Variants in NDC1 observed in about 807,000 individuals in gnomAD.
NDC1 encodes the protein nucleoporin NDC1.
In NDC1, 24 loss-of-function variants were observed where a neutral mutation model predicts 89.8. That is an observed-to-expected ratio of 0.27 (90% CI 0.19 to 0.38). The LOEUF (loss-of-function observed/expected upper bound fraction) is 0.38, where lower values mean the gene tolerates loss of function less well. Among genes scored for constraint, NDC1 ranks in the 10% least tolerant of loss-of-function variants. NDC1 has a pLI of 1.00. For missense variants in NDC1, 728 were observed against 797.6 expected (o/e 0.91, Z 1.05); for synonymous variants, 296 against 284.8 (o/e 1.04, Z -0.39).
intron 6 of NDC1, among the ~76,000 whole-genome samples, chr1:53,810,079 T>C (rs1292479210): frequency 6.6e-6 from 1 of 152,210 alleles, no homozygotes; most frequent in Non-Finnish European, 1.5e-5. Context: ...CAAATCAATA[T>C]GTAGATAACC....
rs187095440 is a variant in NDC1, at chr1:53,815,335, G to T, written c.703+3636C>A. Among the ~76,000 whole-genome samples the T allele has an allele frequency of 4.1e-3, 631 of 152,154 alleles. 5 individuals carry two copies. Among genetic ancestry groups the T allele is most frequent in the African/African-American group, 0.014 (598 of 41,520 alleles). On this transcript the variant is annotated intron_variant, in intron 6 of 17. Transcript: ENST00000371429. ...ATAAATGTGATACACCACATAAACA[G>T]AATTAAAAACAAAAATCACATGATC...
chr1:53,779,988 C>T (rs1647191546), intron 16 of NDC1, among the ~76,000 whole-genome samples: 1 of 152,090 alleles, frequency 6.6e-6, no homozygotes, highest in Non-Finnish European at 1.5e-5. Context: ...TTAATTATCT[C>T]ACATCTCTCT....
At chr1:53,803,838 T>G in intron 10 of NDC1, 90 bp downstream of exon 10, 2 of 967,856 alleles carry the variant, frequency 2.1e-6, no homozygotes, top group Non-Finnish European at 3.3e-6. Context: ...CCCAAAGTGC[T>G]GGGATTACAG....
chr1:53,820,118 G>T (rs1263362614), intron 5 of NDC1, among the ~76,000 whole-genome samples: 1 of 152,002 alleles, frequency 6.6e-6, no homozygotes, highest in Non-Finnish European at 1.5e-5. Flanking sequence ...AGCCAGGTGT[G>T]GTGGCACATG....
intron 6 of NDC1, among the ~76,000 whole-genome samples, chr1:53,813,664 C>G (rs1648385734): frequency 6.6e-6 from 1 of 151,938 alleles, no homozygotes; most frequent in Non-Finnish European, 1.5e-5. Flanking sequence ...ATGAGATAGA[C>G]AGCAACACGA....
intron 16 of NDC1, among the ~76,000 whole-genome samples, chr1:53,781,243 T>C (rs1195356802): frequency 2.6e-5 from 4 of 152,142 alleles, no homozygotes; most frequent in African/African-American, 7.2e-5. Context: ...TAAAATCCTA[T>C]GGACCTCCAG....
At chr1:53,804,545 C>A (rs978072319) in intron 9 of NDC1, among the ~76,000 whole-genome samples, 2 of 152,070 alleles carry the variant, frequency 1.3e-5, no homozygotes, top group Admixed American at 1.3e-4. Context: ...GATGTGATCT[C>A]GGCTCACTGC....
rs763488794 is a variant in NDC1 at position 53,796,977 on chromosome 1, C to A, written c.1390G>T (p.Asp464Tyr). 2.5e-5 allele frequency: 41 copies of A among 1,614,030 alleles called. No homozygotes were observed. The highest frequency in any genetic ancestry group is 3.2e-5 in the Non-Finnish European group (38 of 1,180,026). ...SVMNRMAGIF[D>Y]VNTCYGSPQS... ...GGTGACCCATAGCAGGTGTTTACAT[C>A]AAAAATTCCAGCCATCCGATTCATT... Residue 464 changes from aspartate to tyrosine, a missense_variant, in exon 12 of 18, where the codon GAT becomes TAT. By Grantham distance (160) the Asp-to-Tyr change is radical (BLOSUM62 -3). Transcript: ENST00000371429.
intron 16 of NDC1, among the ~76,000 whole-genome samples, chr1:53,780,992 T>C (rs1647201857): frequency 6.6e-6 from 1 of 151,952 alleles, no homozygotes; most frequent in Non-Finnish European, 1.5e-5. Flanking sequence ...TAGCTGGAAC[T>C]ATAAGCTAGC....
intron 14 of NDC1, among the ~76,000 whole-genome samples, chr1:53,792,225 A>G (rs955221946): frequency 3.3e-5 from 5 of 152,200 alleles, no homozygotes; most frequent in Non-Finnish European, 1.5e-5. Flanking sequence ...TACAGGTGTG[A>G]GCCACCATGC....
intron 17 of NDC1, among the ~76,000 whole-genome samples, chr1:53,769,762 A>G (rs1647096935): frequency 1.3e-5 from 2 of 152,224 alleles, no homozygotes; most frequent in Admixed American, 6.5e-5. Flanking sequence ...CTTTACTAAC[A>G]ACAAATGAAA....
In NDC1 at chr1:53,808,627, A is replaced by G. The variant is rs543879133; in HGVS notation, c.756-836T>C. Reference sequence around the variant, plus strand: ...AGGCCCTGACATAAATGAAGGACAGATTATCAGGCACTCAGCCATATACAC... The same window carrying G: ...AGGCCCTGACATAAATGAAGGACAGGTTATCAGGCACTCAGCCATATACAC... On this transcript the variant is annotated intron_variant, in intron 7 of 17. Transcript: ENST00000371429. 4.1e-3 allele frequency among the ~76,000 whole-genome samples: 619 copies of G among 152,338 alleles called. 3 individuals carry two copies. Among genetic ancestry groups the G allele is most frequent in the African/African-American group, 0.014 (586 of 41,576 alleles).
rs1282151676 is a variant in NDC1, at chr1:53,789,160, C to T, written c.1672G>A (p.Ala558Thr). 1 of 1,609,224 alleles carries T rather than the reference C, an allele frequency of 6.2e-7. No homozygotes were observed. The highest frequency in any genetic ancestry group is 1.3e-5 in the African/African-American group (1 of 74,652). Residue 558 changes from alanine to threonine, a missense_variant, in exon 15 of 18, where the codon GCC becomes ACC. Transcript: ENST00000371429. ...EASIQAVFSD[A>T]QMHIWALEGL... ...TCTAATGCCCAAATATGCATTTGGG[C>T]ATCTGAAAAAACAGCCTGAATGGAG...
At chr1:53,806,396 T>C (rs768419032) in intron 9 of NDC1, 29 bp downstream of exon 9, 1 of 1,387,842 alleles carries the variant, frequency 7.2e-7, no homozygotes, top group South Asian at 1.5e-5. Context: ...GAGAAAACTG[T>C]GTGAAGATAT....
intron 3 of NDC1, among the ~76,000 whole-genome samples, chr1:53,828,774 G>A (rs750102158): frequency 4.2e-4 from 63 of 151,802 alleles, no homozygotes; most frequent in Admixed American, 4.1e-3. Flanking sequence ...ACCATGCCTG[G>A]CTAGTTTTTG....
At chr1:53,785,541 A>C (rs1232027981) in intron 16 of NDC1, among the ~76,000 whole-genome samples, 1 of 152,168 alleles carries the variant, frequency 6.6e-6, no homozygotes, top group Non-Finnish European at 1.5e-5. Flanking sequence ...TTGAGTGTTA[A>C]AGAAAGAAAT....
chr1:53,801,150 A>C (rs1300212338), intron 10 of NDC1, among the ~76,000 whole-genome samples: 1 of 152,008 alleles, frequency 6.6e-6, no homozygotes, highest in African/African-American at 2.4e-5. Flanking sequence ...CAAACACTAG[A>C]TCATAGGTTG....
intron 6 of NDC1, among the ~76,000 whole-genome samples, chr1:53,815,709 G>C (rs1055210355): frequency 2.6e-5 from 4 of 152,096 alleles, no homozygotes; most frequent in Non-Finnish European, 5.9e-5. Context: ...AACCCTAAGG[G>C]CTCCTCCAGA....
intron 9 of NDC1, 57 bp downstream of exon 9, chr1:53,806,368 G>T: frequency 9.2e-7 from 1 of 1,092,076 alleles, no homozygotes; most frequent in Non-Finnish European, 1.3e-6. Context: ...TAAATATTAA[G>T]TGTATTGAAT....
Sources: allele counts gnomAD v4.1 joint callset (sites outside exome capture counted in the v4.1 genomes callset), GRCh38; gene constraint gnomAD v4.1.1; transcripts MANE v1.5; gene names NCBI Gene and HGNC (gene_info 2026-07-23, HGNC 2026-07-21).